DSC3: variants seen among roughly 807,000 people sequenced by gnomAD.
The protein encoded by DSC3 is desmocollin 3, also known as desmocollin-3.
In DSC3, 97 loss-of-function variants were observed where a neutral mutation model predicts 89.5. The observed-to-expected ratio is 1.08, with a 90% CI of 0.92 to 1.28. DSC3 has a LOEUF of 1.28. Ranked by LOEUF, DSC3 falls within the 50% of genes most tolerant of loss-of-function variation. DSC3 has a pLI of 0.00. For synonymous variants in DSC3, 436 were observed against 384.1 expected (o/e 1.14, Z -1.58); for missense variants, 1,199 against 1,085.3 (o/e 1.10, Z -1.47).
In DSC3 at chr18:31,008,100, T is replaced by C. The variant is rs1174589321; in HGVS notation, c.1579A>G (p.Ile527Val). 1.9e-6 allele frequency: 3 copies of C among 1,613,056 alleles called. No individual in the cohort carries two copies. Among genetic ancestry groups the C allele is most frequent in the East Asian group, 2.2e-5 (1 of 44,818 alleles). The change falls in exon 11 of 16, where the codon ATC (isoleucine) becomes GTC (valine). Residue 527 changes from isoleucine to valine, a missense_variant. Transcript: ENST00000360428. ...WITIDEISGS[I>V]ITSKILDREV... is the part of the protein sequence containing the mutation. The stretch of plus-strand genomic sequence containing the variant: ...CTATCCAGGATTTTGGAAGTTATGA[T>C]TGACCCTGAAATTTCATCAATGGTG...
At chr18:31,034,861 C>A (rs142847351) in intron 1 of DSC3, among the ~76,000 whole-genome samples, 1,999 of 152,194 alleles carry the variant, frequency 0.013, 54 homozygotes, top group African/African-American at 0.046. Context: ...TGAAAAACTT[C>A]TAAAATTAGA....
chr18:31,004,181 C>A lies in DSC3; in HGVS notation c.2074G>T (p.Ala692Ser). Residue 692 changes from alanine to serine, a missense_variant, in exon 13 of 16, where the codon GCA (alanine) becomes TCA (serine). Ala to Ser is a moderately conservative substitution (Grantham distance 99). Coordinates refer to ENST00000360428, the MANE Select transcript of DSC3 (RefSeq NM_001941.5). Reference sequence around the variant, plus strand: ...ATACCCAGTAATATTGCAAGGATTGCCCATTTTCCAAGTATTACTCCTGTA... The same window carrying A: ...ATACCCAGTAATATTGCAAGGATTGACCATTTTCCAAGTATTACTCCTGTA... The part of the protein sequence containing the change: ...RSTGVILGKW[A>S]ILAILLGIAL... The A allele has an allele frequency of 6.2e-7, 1 of 1,613,746 alleles. No homozygotes were observed. Among genetic ancestry groups the A allele is most frequent in the Non-Finnish European group, 8.5e-7 (1 of 1,179,786 alleles).
At chr18:31,021,199 CA>C (rs1412877403) in intron 7 of DSC3, among the ~76,000 whole-genome samples, 2 of 151,974 alleles carry the variant, frequency 1.3e-5, no homozygotes. Flanking sequence ...CTGTATCTTA[CA>C]AGTTGTGGAC....
At chr18:31,036,701 A>G (rs528304209) in intron 1 of DSC3, among the ~76,000 whole-genome samples, 10 of 151,528 alleles carry the variant, frequency 6.6e-5, no homozygotes, top group Admixed American at 6.6e-4. Context: ...TAATTTAAAG[A>G]GGATTTGACA....
intron 11 of DSC3, among the ~76,000 whole-genome samples, 176 bp downstream of exon 11, chr18:31,007,840 G>A (rs146344769): frequency 0.013 from 1,929 of 152,212 alleles, 13 homozygotes; most frequent in Non-Finnish European, 0.019. Flanking sequence ...AATAAAACAC[G>A]GCTTCTTGTC....
rs573762324 is a variant in DSC3, at chr18:31,022,489, C to T, written c.789G>A (p.Gly263=). ...LESSRPGTTV[G]VVCATDRDEP... is the part of the protein sequence containing the mutation. Reference sequence around the variant, plus strand: ...CATCTCTGTCTGTGGCACAAACCACCCCCACTGTAGTACCTACACATTAAA... The same window carrying T: ...CATCTCTGTCTGTGGCACAAACCACTCCCACTGTAGTACCTACACATTAAA... Residue 263 remains glycine, a synonymous_variant, in exon 7 of 16, where the codon GGG becomes GGA. Transcript: ENST00000360428. 12 of 1,613,976 alleles carry T rather than the reference C, an allele frequency of 7.4e-6. No homozygotes were observed. The highest frequency in any genetic ancestry group is 5.0e-5 in the Admixed American group (3 of 60,000).
intron 1 of DSC3, among the ~76,000 whole-genome samples, chr18:31,040,125 A>G (rs1017878534): frequency 1.3e-5 from 2 of 152,200 alleles, no homozygotes; most frequent in African/African-American, 4.8e-5. Flanking sequence ...TTGCAGGCAG[A>G]GTTCATATAC....
chr18:30,998,795 G>A (rs895682203), intron 14 of DSC3, among the ~76,000 whole-genome samples: 17 of 152,102 alleles, frequency 1.1e-4, no homozygotes, highest in African/African-American at 4.1e-4. Context: ...AACAACAACA[G>A]AAAAATCACA....
chr18:31,026,044 A>T, intron 4 of DSC3, 129 bp from the exon 5 acceptor site: 1 of 961,488 alleles, frequency 1.0e-6, no homozygotes. Context: ...AAGAACAATA[A>T]TAACCATTGT....
chr18:31,032,571 TGTGTGTGTGTGTGTGTGTGC>T (rs916594056), intron 1 of DSC3, among the ~76,000 whole-genome samples: 9 of 130,778 alleles, frequency 6.9e-5, no homozygotes, highest in African/African-American at 2.7e-4. Flanking sequence ...TGTGTGTGTG[TGTGTGTGTGTGTGTGTGTGC>T]GTGTGCGTGT....
chr18:30,994,068 T>C lies in DSC3; in HGVS notation c.*107A>G, dbSNP rs1361428390. ...AATTGGTGAGTAGCATAATTCAAAA[T>C]TGAGAAAAAAATCATCATATACATA... On this transcript the variant is annotated 3_prime_UTR_variant, in exon 16 of 16. Transcript: ENST00000360428. The C allele has an allele frequency of 8.8e-7, 1 of 1,137,194 alleles. No homozygotes were observed. The highest frequency in any genetic ancestry group is 2.5e-5 in the East Asian group (1 of 39,288). The allele number at this position is 1,137,194 out of a possible 1,614,324, so 70.4% of individuals were successfully genotyped here. A position where few individuals can be genotyped will look rare whatever the true frequency, so the allele number is the denominator to read the frequency against.
intron 1 of DSC3, among the ~76,000 whole-genome samples, chr18:31,042,206 G>A (rs1180775748): frequency 6.6e-6 from 1 of 152,106 alleles, no homozygotes; most frequent in Non-Finnish European, 1.5e-5. Flanking sequence ...TGTGCTTTGA[G>A]CTCTCAGGGA....
At position 30,996,881 on chromosome 18, in the gene DSC3, C is replaced by T. The variant is rs370560391; in HGVS notation, c.2403G>A (p.Leu801=). 23 of 1,613,674 alleles carry T rather than the reference C, an allele frequency of 1.4e-5. No individual in the cohort carries two copies. Among genetic ancestry groups the T allele is most frequent in the Non-Finnish European group, 1.9e-5 (23 of 1,179,992 alleles). The change falls in exon 15 of 16, where the codon CTG becomes CTA. Residue 801 remains leucine, a synonymous_variant. Transcript: ENST00000360428. ...CCGTGTGTCCTCCCCTGCAGGAGTC[C>T]AGGGTATGATGATGCCCAGCCCCCC... ...SCRGAGHHHT[L]DSCRGGHTEV...
rs765928616 is a variant in DSC3, at chr18:31,022,488, C to T, written c.790G>A (p.Val264Met). 1.5e-5 allele frequency: 25 copies of T among 1,613,884 alleles called. No homozygotes were observed. Among genetic ancestry groups the T allele is most frequent in the African/African-American group, 9.3e-5 (7 of 74,886 alleles). Reference sequence around the variant, plus strand: ...TCATCTCTGTCTGTGGCACAAACCACCCCCACTGTAGTACCTACACATTAA... The same window carrying T: ...TCATCTCTGTCTGTGGCACAAACCATCCCCACTGTAGTACCTACACATTAA... ...ESSRPGTTVG[V>M]VCATDRDEPD... The change falls in exon 7 of 16, where the codon GTG becomes ATG. Residue 264 changes from valine to methionine, a missense_variant. By Grantham distance (21) the Val-to-Met change is conservative. Coordinates refer to ENST00000360428, the MANE Select transcript of DSC3 (RefSeq NM_001941.5).
rs142522681 is a variant in DSC3, at chr18:31,039,023, C to T, written c.69+3569G>A. On this transcript the variant is annotated intron_variant, in intron 1 of 15. Transcript: ENST00000360428. ...AAATAAAGTAAAAAATGTAAAGACA[C>T]TAGTATATTAATGATGAACTAATGA... Among the ~76,000 whole-genome samples the T allele has an allele frequency of 2.0e-5, 3 of 151,904 alleles. No homozygotes were observed. In the East Asian group the frequency reaches 5.8e-4, roughly 29 times the overall value.
intron 9 of DSC3, among the ~76,000 whole-genome samples, chr18:31,012,411 C>T (rs1985100785): frequency 6.6e-6 from 1 of 152,118 alleles, no homozygotes; most frequent in Admixed American, 6.5e-5. Flanking sequence ...AGAAGGAGAA[C>T]AGCTCAGGGA....
chr18:31,041,103 C>T (rs1333329160), intron 1 of DSC3, among the ~76,000 whole-genome samples: 5 of 152,148 alleles, frequency 3.3e-5, no homozygotes, highest in Non-Finnish European at 5.9e-5. Flanking sequence ...TCGACACCCC[C>T]ACCCATGCCT....
rs745442151 is a variant in DSC3 at position 31,032,317 on chromosome 18, G to A, written c.70-41C>T. 6.8e-6 allele frequency: 10 copies of A among 1,460,172 alleles called. No homozygotes were observed. In the Admixed American group the frequency reaches 1.5e-4, roughly 22 times the overall value. The allele number at this position is 1,460,172 out of a possible 1,614,324, so 90.5% of individuals were successfully genotyped here. On this transcript the variant is annotated intron_variant, in intron 1 of 15. Coordinates refer to ENST00000360428, the MANE Select transcript of DSC3 (RefSeq NM_001941.5). ...TCACATTAATACAGTAGAAAATAAA[G>A]ATTAAAAAAAACATAATCATATCAA... is the stretch of plus-strand genomic sequence containing the variant.
At chr18:31,042,499 G>C (rs549507270) in intron 1 of DSC3, 93 bp downstream of exon 1, 2 of 1,330,288 alleles carry the variant, frequency 1.5e-6, no homozygotes, top group East Asian at 2.5e-5. Context: ...CGGTTGTCAC[G>C]TTTCGGCCCG....
Sources: gnomAD v4.1 joint callset for allele counts (sites outside exome capture counted in the v4.1 genomes callset) on GRCh38, gnomAD v4.1.1 for gene constraint, MANE v1.5 for transcripts, NCBI Gene and HGNC (gene_info 2026-07-23, HGNC 2026-07-21) for gene names.